The following RNF17 variants were observed in gnomAD, a reference collection of about 807,000 sequenced individuals.
The protein encoded by RNF17 is ring finger protein 17.
RNF17 carries 31 observed loss-of-function variants against 200.5 expected under a neutral mutation model. That is an observed-to-expected ratio of 0.15 (90% CI 0.12 to 0.21). RNF17 has a LOEUF of 0.21. RNF17 is among the 10% of genes least tolerant of loss of function. The pLI is 1.00. For synonymous variants in RNF17, 606 were observed against 637.8 expected (o/e 0.95, Z 0.75); for missense variants, 1,628 against 1,905.1 (o/e 0.85, Z 2.71).
At chr13:24,874,347 T>TA in intron 33 of RNF17, 98 bp downstream of exon 33, 1 of 988,418 alleles carries the variant, frequency 1.0e-6, no homozygotes, top group Non-Finnish European at 1.4e-6. Flanking sequence ...AAAAGGGTTA[T>TA]TCTAAGGCTG....
chr13:24,749,522 C>T, the RNF17 span, among the ~76,000 whole-genome samples: 1 of 152,092 alleles, frequency 6.6e-6, no homozygotes. Flanking sequence ...ATCAATTTCC[C>T]TTATTCTTTT....
chr13:24,828,152 A>G (rs1237545058), intron 16 of RNF17, among the ~76,000 whole-genome samples: 3 of 152,204 alleles, frequency 2.0e-5, no homozygotes, highest in Non-Finnish European at 2.9e-5. Flanking sequence ...TATTGGCTTG[A>G]AAATGTTATC....
At chr13:24,812,830 T>G (rs1282430971) in intron 15 of RNF17, among the ~76,000 whole-genome samples, 1 of 151,926 alleles carries the variant, frequency 6.6e-6, no homozygotes, top group African/African-American at 2.4e-5. Flanking sequence ...TACGGGTGCC[T>G]GCCACCACGC....
upstream of RNF17, among the ~76,000 whole-genome samples, chr13:24,761,847 A>G (rs1249433364): frequency 6.6e-6 from 1 of 152,188 alleles, no homozygotes; most frequent in Non-Finnish European, 1.5e-5. Context: ...GATTAATTCA[A>G]TTTCTGGGAT....
At chr13:24,883,381 A>T (rs750541860), downstream of RNF17, 79 of 1,548,796 alleles carry the variant, frequency 5.1e-5, no homozygotes, top group African/African-American at 1.4e-4. Flanking sequence ...TGTAAAATTT[A>T]AAAAAAATAT....
At chr13:24,765,924 T>A (rs976237374) in intron 1 of RNF17, among the ~76,000 whole-genome samples, 1 of 152,208 alleles carries the variant, frequency 6.6e-6, no homozygotes, top group Non-Finnish European at 1.5e-5. Context: ...TGTAAAGTTT[T>A]TAAAAAATAC....
At chr13:24,859,231 TTTGAACACGAGAAAGTTGG>T in intron 26 of RNF17, 67 bp downstream of exon 26, 3 of 1,148,326 alleles carry the variant, frequency 2.6e-6, no homozygotes, top group African/African-American at 1.5e-5. Flanking sequence ...GTCTTGTGCA[TTTGAACACGAGAAAGTTGG>T]ATTAAAACAT....
upstream of RNF17, among the ~76,000 whole-genome samples, chr13:24,762,253 C>A (rs1212808775): frequency 1.3e-5 from 2 of 151,388 alleles, no homozygotes; most frequent in South Asian, 2.1e-4. Flanking sequence ...GCCTGTAGTC[C>A]CAGTTACTGG....
the RNF17 span, among the ~76,000 whole-genome samples, chr13:24,757,602 G>T: frequency 2.0e-5 from 3 of 152,166 alleles, no homozygotes; most frequent in African/African-American, 7.2e-5. Flanking sequence ...GAGATTACAG[G>T]CATGAGCCAC....
intron 13 of RNF17, among the ~76,000 whole-genome samples, chr13:24,800,877 A>G (rs1885172207): frequency 6.6e-6 from 1 of 152,130 alleles, no homozygotes. Flanking sequence ...TTATTATTCT[A>G]TTTAATGGCC....
intron 15 of RNF17, among the ~76,000 whole-genome samples, chr13:24,807,115 G>A (rs896506507): frequency 8.6e-5 from 13 of 151,654 alleles, no homozygotes; most frequent in Non-Finnish European, 1.8e-4. Context: ...ACATACGTGT[G>A]CATGTGTCTT....
intron 22 of RNF17, among the ~76,000 whole-genome samples, chr13:24,846,613 T>G (rs1253243053): frequency 6.6e-6 from 1 of 152,212 alleles, no homozygotes; most frequent in Non-Finnish European, 1.5e-5. Context: ...GTATCCAAAC[T>G]TTTGGTTTCT....
At position 24,793,141 on chromosome 13, in the gene RNF17, G is replaced by A; in HGVS notation, c.1035G>A (p.Lys345=). ...SCYDTYPPLE[K]KKVDMSVLTS... is the part of the protein sequence containing the mutation. Reference sequence around the variant, plus strand: ...ACGATACATACCCACCGCTAGAAAAGAAAAAGGTTGACATGTCTGTCCTAA... The same window carrying A: ...ACGATACATACCCACCGCTAGAAAAAAAAAAGGTTGACATGTCTGTCCTAA... Residue 345 remains lysine (K), a synonymous_variant, in exon 10 of 36, where the codon AAG becomes AAA. Coordinates refer to ENST00000255324, the MANE Select transcript of RNF17 (RefSeq NM_031277.3). 1 of 1,613,908 alleles carries A rather than the reference G, an allele frequency of 6.2e-7. No individual in the cohort carries two copies. The highest frequency in any genetic ancestry group is 8.5e-7 in the Non-Finnish European group (1 of 1,179,882).
At chr13:24,750,303 A>G in the RNF17 span, among the ~76,000 whole-genome samples, 1 of 152,230 alleles carries the variant, frequency 6.6e-6, no homozygotes, top group Non-Finnish European at 1.5e-5. Context: ...TTATTAAAAC[A>G]GCTTTACTGA....
At chr13:24,762,243 G>A (rs942262127), upstream of RNF17, among the ~76,000 whole-genome samples, 22 of 152,008 alleles carry the variant, frequency 1.4e-4, 1 homozygote, top group Admixed American at 1.2e-3. Flanking sequence ...GGTGGCATGC[G>A]CCTGTAGTCC....
chr13:24,886,361 G>C, the RNF17 span: 1 of 1,289,176 alleles, frequency 7.8e-7, no homozygotes, highest in Non-Finnish European at 1.0e-6. Context: ...CAAGCTGCTG[G>C]GCGTGTGAGG....
At chr13:24,832,001 A>G in intron 18 of RNF17, 23 bp downstream of exon 18, 3 of 1,433,478 alleles carry the variant, frequency 2.1e-6, no homozygotes, top group Non-Finnish European at 2.9e-6. Flanking sequence ...TTTACTTGTT[A>G]TGTAATCACA....
rs1593508956 is a variant in RNF17 at position 24,877,043 on chromosome 13, A to G, written c.4630A>G (p.Ile1544Val). 9 of 1,612,914 alleles carry G rather than the reference A, an allele frequency of 5.6e-6. No homozygotes were observed. The highest frequency in any genetic ancestry group is 7.6e-6 in the Non-Finnish European group (9 of 1,179,684). The change falls in exon 34 of 36, where the codon ATA (isoleucine) becomes GTA (valine). Residue 1544 changes from isoleucine (I) to valine (V), a missense_variant. Coordinates refer to ENST00000255324, the MANE Select transcript of RNF17 (RefSeq NM_031277.3). Reference sequence around the variant, plus strand: ...TCTTATGCGGTATCCAGCTCGAGCCATAAAGGTTCTCTTGGCAGGGTTTAA... The same window carrying G: ...TCTTATGCGGTATCCAGCTCGAGCCGTAAAGGTTCTCTTGGCAGGGTTTAA... Reference protein sequence around the residue: ...SHLMRYPARAIKVLLAGFKPP... With the variant: ...SHLMRYPARAVKVLLAGFKPP...
At chr13:24,762,919 A>C (rs921031382), upstream of RNF17, among the ~76,000 whole-genome samples, 1 of 152,172 alleles carries the variant, frequency 6.6e-6, no homozygotes, top group African/African-American at 2.4e-5. Flanking sequence ...CTCTCCAAAG[A>C]AGCTTACTTT....
Sources: gnomAD v4.1 joint callset for allele counts (sites outside exome capture counted in the v4.1 genomes callset) on GRCh38, gnomAD v4.1.1 for gene constraint, MANE v1.5 for transcripts, NCBI Gene and HGNC (gene_info 2026-07-23, HGNC 2026-07-21) for gene names.